The following ALKBH5 variants were observed in gnomAD, a reference collection of about 807,000 sequenced individuals.
The protein encoded by ALKBH5 is alkB homolog 5, RNA demethylase.
In ALKBH5, 2 loss-of-function variants were observed where a neutral mutation model predicts 32.1. That is an observed-to-expected ratio of 0.06 (90% CI 0.03 to 0.20). The LOEUF (loss-of-function observed/expected upper bound fraction) is 0.20. ALKBH5 is among the 10% of genes least tolerant of loss of function. The probability of loss-of-function intolerance (pLI) is 1.00; values close to 1 mark genes in which losing one functional copy is unlikely to be tolerated. For missense variants in ALKBH5, 352 were observed against 559.5 expected (o/e 0.63, Z 3.74); for synonymous variants, 300 against 231.7 (o/e 1.29, Z -2.68).
At chr17:18,204,374 G>A (rs1453865478) in intron 2 of ALKBH5, among the ~76,000 whole-genome samples, 1 of 151,736 alleles carries the variant, frequency 6.6e-6, no homozygotes, top group Non-Finnish European at 1.5e-5. Flanking sequence ...TTGCTTGAAC[G>A]CGGGAGGCGG....
chr17:18,183,833 G>A lies in ALKBH5; in HGVS notation c.-411G>A, dbSNP rs538595406. 1.3e-5 allele frequency: 4 copies of A among 301,816 alleles called. No homozygotes were observed. The highest frequency in any genetic ancestry group is 5.7e-5 in the Admixed American group (1 of 17,562). The allele number at this position is 301,816 out of a possible 1,614,324, so 18.7% of individuals were successfully genotyped here. On this transcript the variant is annotated 5_prime_UTR_variant, in exon 1 of 4. Coordinates refer to ENST00000399138, the MANE Select transcript of ALKBH5 (RefSeq NM_017758.4). ...CAGCACTGCGCGTGCGCGGTGAGGA[G>A]CCCGCTAAGGAGCGGCGCTGGCGGA...
chr17:18,183,989 G>GAA lies in ALKBH5; in HGVS notation c.-255_-254insAA. The GAA allele has an allele frequency of 1.5e-6, 1 of 648,262 alleles. No individual in the cohort carries two copies. The allele number at this position is 648,262 out of a possible 1,614,324, so 40.2% of individuals were successfully genotyped here. On this transcript the variant is annotated 5_prime_UTR_variant, in exon 1 of 4. An upstream open reading frame in the 5' UTR loses its in-frame stop. Coordinates refer to ENST00000399138, the MANE Select transcript of ALKBH5 (RefSeq NM_017758.4). Reference sequence around the variant, plus strand: ...CTCCGCGGCATGAGGCGCTGCCGGCGCCCCTGCCCCGCGGGACGTGGAGAA... The same window carrying GAA: ...CTCCGCGGCATGAGGCGCTGCCGGCGAACCCCTGCCCCGCGGGACGTGGAGAA...
intron 2 of ALKBH5, among the ~76,000 whole-genome samples, chr17:18,200,696 A>T (rs556720485): frequency 3.9e-5 from 6 of 152,340 alleles, no homozygotes; most frequent in African/African-American, 1.4e-4. Context: ...CTTTCCAGAT[A>T]AGTGCCACCT....
chr17:18,195,133 C>T (rs1375274083), intron 2 of ALKBH5, 98 bp downstream of exon 2: 2 of 940,750 alleles, frequency 2.1e-6, no homozygotes, highest in South Asian at 1.5e-5. Context: ...GTATCAGTGG[C>T]ATGGCAGAGT....
At position 18,199,459 on chromosome 17, in the gene ALKBH5, A is replaced by C. The variant is rs534326233; in HGVS notation, c.851+4424A>C. Among the ~76,000 whole-genome samples, 31 of 152,210 alleles carry C rather than the reference A, an allele frequency of 2.0e-4. No homozygotes were observed. In the South Asian group the frequency reaches 6.2e-3, roughly 31 times the overall value. On this transcript the variant is annotated intron_variant, in intron 2 of 3. Coordinates refer to ENST00000399138, the MANE Select transcript of ALKBH5 (RefSeq NM_017758.4). ...TTCCCTAGTGCTCCTGCACTAGTGC[A>C]CTCTGTGCTTCTGCTCCTGGTAGGC...
At position 18,206,788 on chromosome 17, in the gene ALKBH5, G is replaced by GT. The variant is rs1326241706; in HGVS notation, c.852-26dup. On this transcript the variant is annotated intron_variant, in intron 2 of 3. Transcript: ENST00000399138. Reference sequence around the variant, plus strand: ...CCACACCTTCACCGGAGGCCCTTTGGTGACCCCATGCATGTTTCCTTTGCA... The same window carrying GT: ...CCACACCTTCACCGGAGGCCCTTTGGTTGACCCCATGCATGTTTCCTTTGCA... 8 of 1,609,824 alleles carry GT rather than the reference G, an allele frequency of 5.0e-6. No homozygotes were observed. In the Admixed American group the frequency reaches 5.0e-5, roughly 10 times the overall value.
At position 18,205,404 on chromosome 17, in the gene ALKBH5, C is replaced by T. The variant is rs1343013671; in HGVS notation, c.852-1411C>T. 2.0e-5 allele frequency among the ~76,000 whole-genome samples: 3 copies of T among 152,364 alleles called. No homozygotes were observed. The East Asian group carries it at 5.8e-4, about 29-fold the overall frequency. ...AGCTGGGCCCTACTGGCATCCCCCT[C>T]TGCAAGGCCAACCCAAAGGGATGGG... On this transcript the variant is annotated intron_variant, in intron 2 of 3. Transcript: ENST00000399138.
Position 18,194,215 on chromosome 17 carries a change from G to A in ALKBH5, c.771-740G>A, listed in dbSNP as rs535050667. Among the ~76,000 whole-genome samples the A allele has an allele frequency of 2.4e-3, 359 of 152,118 alleles. 1 individual carries two copies. Among genetic ancestry groups the A allele is most frequent in the Middle Eastern group, 0.01 (3 of 294 alleles). ...GCTCTGTTGCCCAGGTGCAGTGGGC[G>A]TGATCTTGGCTCACTGCAACTTCTG... On this transcript the variant is annotated intron_variant, in intron 1 of 3. Transcript: ENST00000399138.
intron 2 of ALKBH5, among the ~76,000 whole-genome samples, chr17:18,201,796 GAT>G (rs1491504513): frequency 2.5e-4 from 9 of 36,574 alleles, no homozygotes; most frequent in Non-Finnish European, 4.6e-4. Flanking sequence ...GGATAGATAA[GAT>G]AGATAGATAG....
chr17:18,190,560 A>G (rs1330680055), intron 1 of ALKBH5, among the ~76,000 whole-genome samples: 2 of 151,958 alleles, frequency 1.3e-5, no homozygotes, highest in African/African-American at 4.8e-5. Flanking sequence ...GAAAAAAAAA[A>G]AAAAAAAAAA....
intron 1 of ALKBH5, among the ~76,000 whole-genome samples, chr17:18,188,789 C>T (rs978049492): frequency 1.3e-5 from 2 of 152,158 alleles, no homozygotes; most frequent in Non-Finnish European, 2.9e-5. Context: ...TCAGAGCTGG[C>T]CAGGCTTAGT....
intron 2 of ALKBH5, among the ~76,000 whole-genome samples, chr17:18,196,499 G>T (rs533820801): frequency 1.3e-5 from 2 of 152,296 alleles, no homozygotes; most frequent in African/African-American, 4.8e-5. Flanking sequence ...GGGATTACAG[G>T]TGTGAGCCAC....
At chr17:18,197,152 G>A (rs1313855894) in intron 2 of ALKBH5, among the ~76,000 whole-genome samples, 2 of 152,190 alleles carry the variant, frequency 1.3e-5, no homozygotes, top group Non-Finnish European at 2.9e-5. Flanking sequence ...ATATCTGTGG[G>A]ACAGTCCTAT....
At chr17:18,198,635 G>A (rs1354016014) in intron 2 of ALKBH5, among the ~76,000 whole-genome samples, 1 of 152,168 alleles carries the variant, frequency 6.6e-6, no homozygotes, top group African/African-American at 2.4e-5. Context: ...GATAAAGATT[G>A]CACAGGCTGC....
intron 1 of ALKBH5, among the ~76,000 whole-genome samples, chr17:18,194,041 G>A (rs2142476283): frequency 6.6e-6 from 1 of 151,634 alleles, no homozygotes; most frequent in South Asian, 2.1e-4. Flanking sequence ...CTGAGAAGAG[G>A]ACAGTCATCT....
intron 2 of ALKBH5, 134 bp from the exon 3 acceptor site, chr17:18,206,681 G>GT: frequency 1.1e-6 from 1 of 915,942 alleles, no homozygotes; most frequent in East Asian, 2.4e-5. Context: ...CTCAAGGAGA[G>GT]TGAGGTACAG....
intron 1 of ALKBH5, among the ~76,000 whole-genome samples, chr17:18,188,876 G>A (rs2047155907): frequency 6.6e-6 from 1 of 152,146 alleles, no homozygotes; most frequent in South Asian, 2.1e-4. Context: ...AGACCAACCT[G>A]GCCAACATGG....
chr17:18,190,550 G>GAA (rs11316080), intron 1 of ALKBH5, among the ~76,000 whole-genome samples: 2,930 of 121,586 alleles, frequency 0.024, 113 homozygotes, highest in African/African-American at 0.083. Flanking sequence ...CTCTGTTTCC[G>GAA]AAAAAAAAAA....
chr17:18,203,429 C>T (rs1035057005), intron 2 of ALKBH5, among the ~76,000 whole-genome samples: 2 of 152,246 alleles, frequency 1.3e-5, no homozygotes, highest in African/African-American at 4.8e-5. Flanking sequence ...TTGTTGTGAC[C>T]TCCCTTGTCC....
Sources: gnomAD v4.1 joint callset for allele counts (sites outside exome capture counted in the v4.1 genomes callset) on GRCh38, gnomAD v4.1.1 for gene constraint, MANE v1.5 for transcripts, NCBI Gene and HGNC (gene_info 2026-07-23, HGNC 2026-07-21) for gene names.